Variants in GSK3B observed in about 807,000 individuals in gnomAD.
GSK3B encodes glycogen synthase kinase 3 beta, also known as glycogen synthase kinase-3 beta.
A neutral mutation model predicts 56.4 loss-of-function variants in GSK3B; 15 were observed. That is an observed-to-expected ratio of 0.27 (90% CI 0.18 to 0.41). The LOEUF is 0.41. Ranked by LOEUF, GSK3B falls within the 10% of genes least tolerant of loss-of-function variation. The pLI is 1.00. For missense variants in GSK3B, 300 were observed against 513.4 expected (o/e 0.58, Z 4.02); for synonymous variants, 181 against 188.9 (o/e 0.96, Z 0.34).
intron 3 of GSK3B, among the ~76,000 whole-genome samples, chr3:119,935,496 C>G (rs2056985266): frequency 6.6e-6 from 1 of 152,080 alleles, no homozygotes; most frequent in South Asian, 2.1e-4. Flanking sequence ...CTTTTACTTT[C>G]CTAGCCTCAT....
intron 2 of GSK3B, among the ~76,000 whole-genome samples, chr3:119,949,004 T>C (rs1018758924): frequency 2.0e-5 from 3 of 152,222 alleles, no homozygotes; most frequent in African/African-American, 7.2e-5. Context: ...GCCCAGCCTC[T>C]ATACTTTGTT....
chr3:119,942,084 T>C (rs945306517), intron 3 of GSK3B, among the ~76,000 whole-genome samples: 5 of 152,200 alleles, frequency 3.3e-5, no homozygotes, highest in Non-Finnish European at 7.3e-5. Flanking sequence ...AAAGGTGGCA[T>C]GAGAAATAAA....
chr3:120,002,041 T>G lies in GSK3B; in HGVS notation c.282+5A>C. On this transcript the variant is annotated splice_donor_5th_base_variant and intron_variant, in intron 2 of 10. Transcript: ENST00000264235. ...ACAAAATATATGAAATACTGGACAT[T>G]TTACCTTAAATCTCTTGTCCTGCAA... 2 of 1,572,206 alleles carry G rather than the reference T, an allele frequency of 1.3e-6. No individual in the cohort carries two copies.
At chr3:119,919,884 C>T (rs1028140979) in intron 4 of GSK3B, among the ~76,000 whole-genome samples, 1 of 151,486 alleles carries the variant, frequency 6.6e-6, no homozygotes, top group South Asian at 2.1e-4. Context: ...ATGGACTGAT[C>T]TCTAGGACAT....
At chr3:120,018,332 C>T (rs576940285) in intron 1 of GSK3B, among the ~76,000 whole-genome samples, 28 of 152,184 alleles carry the variant, frequency 1.8e-4, no homozygotes, top group Non-Finnish European at 3.7e-4. Context: ...CCCACATATA[C>T]AGAGGGCCAA....
At chr3:119,969,879 A>G (rs2057350451) in intron 2 of GSK3B, among the ~76,000 whole-genome samples, 1 of 152,228 alleles carries the variant, frequency 6.6e-6, no homozygotes, top group Non-Finnish European at 1.5e-5. Flanking sequence ...TTAAATTGCC[A>G]TCGTTCTGAG....
chr3:120,008,626 T>TA (rs2057750485), intron 1 of GSK3B, among the ~76,000 whole-genome samples: 3 of 152,142 alleles, frequency 2.0e-5, no homozygotes, highest in South Asian at 2.1e-4. Context: ...CCCTATTTAA[T>TA]AAATGGTGCT....
intron 7 of GSK3B, among the ~76,000 whole-genome samples, chr3:119,891,148 C>G (rs2056497028): frequency 6.6e-6 from 1 of 151,668 alleles, no homozygotes. Flanking sequence ...AGGAAAGGTT[C>G]TGGAAGGGGA....
At chr3:119,950,631 G>A (rs901970441) in intron 2 of GSK3B, among the ~76,000 whole-genome samples, 1 of 152,072 alleles carries the variant, frequency 6.6e-6, no homozygotes, top group African/African-American at 2.4e-5. Context: ...AAAGTTTGAG[G>A]AGAGATTTCC....
At chr3:120,048,457 T>G (rs1385950664) in intron 1 of GSK3B, among the ~76,000 whole-genome samples, 4 of 152,266 alleles carry the variant, frequency 2.6e-5, no homozygotes, top group Non-Finnish European at 4.4e-5. Flanking sequence ...GGTTAAATAC[T>G]GGCTCTGCCA....
chr3:120,056,581 T>C (rs4687892), intron 1 of GSK3B, among the ~76,000 whole-genome samples: 79,765 of 152,016 alleles, frequency 0.52, 24,191 homozygotes, highest in African/African-American at 0.85. Flanking sequence ...CTCAAGTGAT[T>C]GCCCCACCTT....
chr3:119,830,791 G>A (rs1265045977), intron 10 of GSK3B, among the ~76,000 whole-genome samples: 2 of 152,184 alleles, frequency 1.3e-5, no homozygotes, highest in Non-Finnish European at 1.5e-5. Context: ...TTTGGAACAC[G>A]TTATTTAATC....
At chr3:119,991,284 A>T (rs186729240) in intron 2 of GSK3B, among the ~76,000 whole-genome samples, 2 of 152,214 alleles carry the variant, frequency 1.3e-5, no homozygotes, top group African/African-American at 4.8e-5. Context: ...TTCCTATCAC[A>T]AGCACTTCCA....
intron 2 of GSK3B, among the ~76,000 whole-genome samples, chr3:119,988,305 A>AT (rs999514495): frequency 6.6e-6 from 1 of 152,222 alleles, no homozygotes; most frequent in African/African-American, 2.4e-5. Flanking sequence ...CTTTTGAGCT[A>AT]TTAACAGCTT....
chr3:119,841,272 T>C (rs1368416637), intron 10 of GSK3B, among the ~76,000 whole-genome samples: 1 of 152,244 alleles, frequency 6.6e-6, no homozygotes, highest in Non-Finnish European at 1.5e-5. Context: ...CAGGTTATAC[T>C]AGGCTCCTAC....
At chr3:119,938,228 C>T (rs937977875) in intron 3 of GSK3B, among the ~76,000 whole-genome samples, 5 of 152,052 alleles carry the variant, frequency 3.3e-5, no homozygotes, top group Non-Finnish European at 5.9e-5. Flanking sequence ...CTTTCTAAGA[C>T]TCTTCTAAAA....
chr3:119,942,948 T>G (rs2057064529), intron 3 of GSK3B, among the ~76,000 whole-genome samples: 1 of 152,136 alleles, frequency 6.6e-6, no homozygotes, highest in South Asian at 2.1e-4. Context: ...GTATACGAAT[T>G]GACTACATGA....
Position 120,028,196 on chromosome 3 carries a change from A to G in GSK3B, c.89-25957T>C, listed in dbSNP as rs545891647. Among the ~76,000 whole-genome samples the G allele has an allele frequency of 1.7e-4, 26 of 152,342 alleles. No homozygotes were observed. The South Asian group carries it at 5.4e-3, about 32-fold the overall frequency. On this transcript the variant is annotated intron_variant, in intron 1 of 10. Coordinates refer to ENST00000264235, the MANE Select transcript of GSK3B (RefSeq NM_001146156.2). ...GATGTGTGTTTAAAAGATTTCGTAA[A>G]AGGCTGTATGTTTATCTAGTCTTAA...
chr3:119,873,280 C>G (rs1426491687), intron 8 of GSK3B, among the ~76,000 whole-genome samples: 1 of 151,974 alleles, frequency 6.6e-6, no homozygotes, highest in Admixed American at 6.6e-5. Flanking sequence ...TATCCCCTTA[C>G]CTCAATGTTT....
Sources: allele counts gnomAD v4.1 joint callset (sites outside exome capture counted in the v4.1 genomes callset), GRCh38; gene constraint gnomAD v4.1.1; transcripts MANE v1.5; gene names NCBI Gene and HGNC (gene_info 2026-07-23, HGNC 2026-07-21).